The following CPNE4 variants were observed in gnomAD, a reference collection of about 807,000 sequenced individuals.
CPNE4 encodes copine 4, also known as copine-4.
In CPNE4, 25 loss-of-function variants were observed where a neutral mutation model predicts 67.9. The ratio of observed to expected loss-of-function variants is 0.37; its 90% confidence interval spans 0.27 to 0.51. CPNE4 has a LOEUF of 0.51. Among genes scored for constraint, CPNE4 ranks in the 20% least tolerant of loss-of-function variants. The pLI, the probability that CPNE4 is intolerant of heterozygous loss-of-function variation, is 0.93. For synonymous variants in CPNE4, 242 were observed against 244.9 expected, an observed-to-expected ratio of 0.99 and a Z score of 0.11; for missense variants, 464 against 690.8, an observed-to-expected ratio of 0.67 and a Z score of 3.68.
At chr3:131,915,181 C>T (rs994390478) in intron 1 of CPNE4, among the ~76,000 whole-genome samples, 1 of 152,112 alleles carries the variant, frequency 6.6e-6, no homozygotes, top group African/African-American at 2.4e-5. Flanking sequence ...GTCTAGTGGC[C>T]TCTGAAGCCT....
chr3:131,984,223 TAA>T lies in CPNE4; in HGVS notation c.-2+50342_-2+50343del, dbSNP rs557093836. Among the ~76,000 whole-genome samples, 854 of 152,316 alleles carry T rather than the reference TAA, an allele frequency of 5.6e-3. 8 individuals are homozygous for T. Among genetic ancestry groups the T allele is most frequent in the African/African-American group, 0.019 (802 of 41,564 alleles). ...GAGTAAAGACTCCACAAAGATCTCC[TAA>T]CTCTTCATCCTGTGGTCTTTACACT... is the stretch of plus-strand genomic sequence containing the variant. On this transcript the variant is annotated intron_variant, in intron 1 of 15. Transcript: ENST00000429747.
chr3:131,966,832 G>T (rs1469015962), intron 1 of CPNE4, among the ~76,000 whole-genome samples: 2 of 152,160 alleles, frequency 1.3e-5, no homozygotes, highest in Non-Finnish European at 2.9e-5. Flanking sequence ...TCCTTCTGAA[G>T]CTATTCCAAA....
chr3:131,697,849 A>G (rs2081190361), intron 4 of CPNE4, among the ~76,000 whole-genome samples: 3 of 152,126 alleles, frequency 2.0e-5, no homozygotes, highest in South Asian at 2.1e-4. Context: ...GACCTAGAAA[A>G]TTTCATGCAC....
intron 1 of CPNE4, among the ~76,000 whole-genome samples, chr3:131,959,150 G>A (rs1233750651): frequency 1.9e-5 from 1 of 52,236 alleles, no homozygotes; most frequent in Non-Finnish European, 3.5e-5. Context: ...ACAGGCGCCC[G>A]CCACTACGCC....
intron 2 of CPNE4, among the ~76,000 whole-genome samples, chr3:131,856,736 T>A (rs2086460250): frequency 6.6e-6 from 1 of 152,034 alleles, no homozygotes; most frequent in South Asian, 2.1e-4. Context: ...ATTTATTGAA[T>A]GCTTACACTA....
chr3:131,831,191 C>G (rs1390545913), intron 2 of CPNE4, among the ~76,000 whole-genome samples: 1 of 151,710 alleles, frequency 6.6e-6, no homozygotes, highest in Non-Finnish European at 1.5e-5. Context: ...GTTCTGGGAT[C>G]AATATTTTAA....
intron 2 of CPNE4, among the ~76,000 whole-genome samples, chr3:131,801,452 G>GTTTATATATA (rs761978890): frequency 1.9e-5 from 1 of 53,384 alleles, no homozygotes; most frequent in Non-Finnish European, 3.4e-5. Context: ...GTGTGTGTGT[G>GTTTATATATA]TATATATATA....
chr3:131,665,111 C>T (rs1338035340), intron 7 of CPNE4, among the ~76,000 whole-genome samples: 2 of 152,070 alleles, frequency 1.3e-5, no homozygotes, highest in Non-Finnish European at 2.9e-5. Flanking sequence ...CATGTAATCC[C>T]AGCACTTTAG....
In CPNE4 at chr3:131,535,146, A is replaced by T. The variant is rs1935062653; in HGVS notation, c.*49T>A. ...GAGTAGTAGAAGTATTAAATATGAAATATTAGCAGGAATAGTATTTCAGAA... is the reference window on the plus strand; with the variant it reads ...GAGTAGTAGAAGTATTAAATATGAATTATTAGCAGGAATAGTATTTCAGAA... On this transcript the variant is annotated 3_prime_UTR_variant, in exon 16 of 16. Transcript: ENST00000429747. 1 of 1,527,746 alleles carries T rather than the reference A, an allele frequency of 6.5e-7. No homozygotes were observed. The highest frequency in any genetic ancestry group is 2.1e-5 in the Admixed American group (1 of 48,466). 94.6% of individuals were successfully genotyped at this position (1,527,746 alleles called of 1,614,324 possible).
chr3:132,013,624 T>C (rs1259857287), intron 1 of CPNE4, among the ~76,000 whole-genome samples: 1 of 152,230 alleles, frequency 6.6e-6, no homozygotes, highest in East Asian at 1.9e-4. Context: ...CTTCATATTA[T>C]TACATCCTTG....
At chr3:131,897,790 G>A (rs1327875102) in intron 2 of CPNE4, among the ~76,000 whole-genome samples, 2 of 151,942 alleles carry the variant, frequency 1.3e-5, no homozygotes, top group East Asian at 3.9e-4. Context: ...TAGTTGGGAG[G>A]TTGAGGTAGG....
chr3:131,705,986 C>T (rs946111216), intron 3 of CPNE4, among the ~76,000 whole-genome samples: 4 of 152,206 alleles, frequency 2.6e-5, no homozygotes, highest in East Asian at 3.9e-4. Flanking sequence ...CTCCCTCCCC[C>T]GGCCACACCA....
intron 1 of CPNE4, among the ~76,000 whole-genome samples, chr3:132,019,010 A>AGTTCTTGC (rs1325175658): frequency 3.3e-5 from 5 of 152,326 alleles, no homozygotes; most frequent in African/African-American, 4.8e-5. Flanking sequence ...ACTTTTTAAA[A>AGTTCTTGC]AGCTGTTTGC....
At chr3:131,693,051 T>A (rs1162945261) in intron 5 of CPNE4, among the ~76,000 whole-genome samples, 1 of 152,208 alleles carries the variant, frequency 6.6e-6, no homozygotes, top group Non-Finnish European at 1.5e-5. Flanking sequence ...ATAAGTTATT[T>A]ATCACAAACC....
At chr3:131,986,467 G>T (rs1285450293) in intron 1 of CPNE4, among the ~76,000 whole-genome samples, 1 of 152,120 alleles carries the variant, frequency 6.6e-6, no homozygotes, top group Non-Finnish European at 1.5e-5. Context: ...TAGGTTCTAG[G>T]GAAGATAAGA....
At chr3:131,965,405 C>T (rs770870125) in intron 1 of CPNE4, among the ~76,000 whole-genome samples, 30 of 152,102 alleles carry the variant, frequency 2.0e-4, no homozygotes, top group Non-Finnish European at 4.0e-4. Context: ...GGGCTAAATG[C>T]CCCAATTAAA....
chr3:131,869,470 G>C (rs1301774511), intron 2 of CPNE4, among the ~76,000 whole-genome samples: 1 of 152,154 alleles, frequency 6.6e-6, no homozygotes, highest in Non-Finnish European at 1.5e-5. Context: ...CAAAACAGCT[G>C]TGATAGCCCA....
Position 131,703,616 on chromosome 3 carries a change from A to G in CPNE4, c.361-3636T>C, listed in dbSNP as rs1458176327. Among the ~76,000 whole-genome samples, 10 of 152,254 alleles carry G rather than the reference A, an allele frequency of 6.6e-5. 1 individual carries two copies. On this transcript the variant is annotated intron_variant, in intron 3 of 15. Coordinates refer to ENST00000429747, the MANE Select transcript of CPNE4 (RefSeq NM_130808.3). Reference sequence around the variant, plus strand: ...GGAGAATAAACTGCTCAGTATTTCAACAAGTTTATATTCAGCTGAACTTTA... The same window carrying G: ...GGAGAATAAACTGCTCAGTATTTCAGCAAGTTTATATTCAGCTGAACTTTA...
chr3:131,852,100 C>T (rs1279419443), intron 2 of CPNE4, among the ~76,000 whole-genome samples: 1 of 152,020 alleles, frequency 6.6e-6, no homozygotes, highest in East Asian at 1.9e-4. Flanking sequence ...AATGCATATA[C>T]ATTAATTTGT....
Sources: gnomAD v4.1 joint callset for allele counts (sites outside exome capture counted in the v4.1 genomes callset) on GRCh38, gnomAD v4.1.1 for gene constraint, MANE v1.5 for transcripts, NCBI Gene and HGNC (gene_info 2026-07-23, HGNC 2026-07-21) for gene names.